Variants in WASL observed in about 807,000 individuals in gnomAD.
WASL encodes actin nucleation-promoting factor WASL.
In WASL, 20 loss-of-function variants were observed where a neutral mutation model predicts 55.5. The observed-to-expected ratio is 0.36, with a 90% CI of 0.25 to 0.52. The LOEUF is 0.52. WASL is among the 20% of genes least tolerant of loss of function. WASL has a pLI of 0.92. For missense variants in WASL, 504 were observed against 622.5 expected, an observed-to-expected ratio of 0.81 and a Z score of 2.03; for synonymous variants, 249 against 217.6, an observed-to-expected ratio of 1.14 and a Z score of -1.27.
At chr7:123,701,465 G>C (rs1414867691) in intron 5 of WASL, among the ~76,000 whole-genome samples, 1 of 152,186 alleles carries the variant, frequency 6.6e-6, no homozygotes, top group African/African-American at 2.4e-5. Context: ...AAGCAGTCAC[G>C]AAGCTGAGAA....
intron 4 of WASL, among the ~76,000 whole-genome samples, chr7:123,705,951 A>C (rs1285359491): frequency 6.6e-6 from 1 of 152,204 alleles, no homozygotes; most frequent in African/African-American, 2.4e-5. Context: ...AAATTTTATC[A>C]ACAAAAAAGG....
intron 1 of WASL, among the ~76,000 whole-genome samples, chr7:123,745,466 T>C (rs1804416283): frequency 6.6e-6 from 1 of 152,172 alleles, no homozygotes; most frequent in South Asian, 2.1e-4. Context: ...AATGCTGTAC[T>C]AAAAGAATTT....
At chr7:123,710,587 A>G (rs528554424) in intron 1 of WASL, among the ~76,000 whole-genome samples, 2 of 152,350 alleles carry the variant, frequency 1.3e-5, no homozygotes, top group Admixed American at 6.5e-5. Flanking sequence ...TCAAAAGTCC[A>G]TAAAGACTTG....
At chr7:123,733,689 A>G (rs938834249) in intron 1 of WASL, among the ~76,000 whole-genome samples, 5 of 152,164 alleles carry the variant, frequency 3.3e-5, no homozygotes, top group Non-Finnish European at 5.9e-5. Flanking sequence ...GAGTAACATC[A>G]GAGGACTGAC....
intron 1 of WASL, among the ~76,000 whole-genome samples, chr7:123,727,353 TCACACACACACACACA>T (rs150375537): frequency 6.8e-6 from 1 of 147,710 alleles, no homozygotes; most frequent in Non-Finnish European, 1.5e-5. Context: ...AAAATATGTG[TCACACACACACACACA>T]CACACACACA....
chr7:123,723,463 A>G (rs1049953352), intron 1 of WASL, among the ~76,000 whole-genome samples: 2 of 152,232 alleles, frequency 1.3e-5, no homozygotes, highest in Non-Finnish European at 2.9e-5. Context: ...AGGTCAGTGA[A>G]AAACCAAATT....
At chr7:123,725,631 A>G (rs1804029392) in intron 1 of WASL, among the ~76,000 whole-genome samples, 1 of 152,138 alleles carries the variant, frequency 6.6e-6, no homozygotes. Flanking sequence ...CTTTACTTGT[A>G]TTTTCTTATT....
chr7:123,715,249 C>T (rs557878731), intron 1 of WASL, among the ~76,000 whole-genome samples: 3 of 152,206 alleles, frequency 2.0e-5, no homozygotes, highest in Non-Finnish European at 2.9e-5. Flanking sequence ...GAAGGAGAAG[C>T]GGGAATACTT....
rs781667296 is a variant in WASL, at chr7:123,748,784, G to A, written c.-50C>T. ...CCAGGGCCGTCTCCTCCGGCGAGTGGGCGAGAGCTCGTTCCCCCTCTCGGT... is the reference window on the plus strand; with the variant it reads ...CCAGGGCCGTCTCCTCCGGCGAGTGAGCGAGAGCTCGTTCCCCCTCTCGGT... On this transcript the variant is annotated 5_prime_UTR_variant, in exon 1 of 11. Transcript: ENST00000223023. 7.7e-5 allele frequency: 111 copies of A among 1,448,736 alleles called. No individual in the cohort carries two copies. The highest frequency in any genetic ancestry group is 9.8e-5 in the Non-Finnish European group (106 of 1,087,084). 89.7% of individuals were successfully genotyped at this position (1,448,736 alleles called of 1,614,324 possible).
At chr7:123,739,906 G>C (rs988910638) in intron 1 of WASL, among the ~76,000 whole-genome samples, 9 of 29,862 alleles carry the variant, frequency 3.0e-4, no homozygotes, top group Non-Finnish European at 4.4e-4. Flanking sequence ...GTGTGTGTGT[G>C]TGTGTGTGTA....
At chr7:123,698,115 A>G (rs576453623) in intron 5 of WASL, among the ~76,000 whole-genome samples, 87 of 150,266 alleles carry the variant, frequency 5.8e-4, no homozygotes, top group East Asian at 3.7e-3. Flanking sequence ...ATTTTGTTTT[A>G]TATGTGTTTT....
chr7:123,718,753 G>C (rs537410182), intron 1 of WASL, among the ~76,000 whole-genome samples: 20 of 152,262 alleles, frequency 1.3e-4, no homozygotes, highest in African/African-American at 4.8e-4. Context: ...TGCTGTAATG[G>C]GGTGCTCACA....
chr7:123,689,688 G>C (rs750425759), intron 9 of WASL, among the ~76,000 whole-genome samples: 3 of 151,596 alleles, frequency 2.0e-5, no homozygotes, highest in Non-Finnish European at 4.4e-5. Flanking sequence ...TCTTTTTAAG[G>C]AGATGAGTTG....
At chr7:123,739,923 T>C (rs566814198) in intron 1 of WASL, among the ~76,000 whole-genome samples, 1 of 151,074 alleles carries the variant, frequency 6.6e-6, no homozygotes, top group Admixed American at 6.6e-5. Flanking sequence ...TGTATATATA[T>C]ATATATATGC....
intron 8 of WASL, 83 bp downstream of exon 8, chr7:123,694,632 A>G (rs1273420215): frequency 1.8e-5 from 26 of 1,419,464 alleles, no homozygotes; most frequent in Non-Finnish European, 2.2e-5. Context: ...AAGGGTTCAC[A>G]TGTATGAATG....
At chr7:123,701,193 C>A (rs900496851) in intron 5 of WASL, among the ~76,000 whole-genome samples, 1 of 152,148 alleles carries the variant, frequency 6.6e-6, no homozygotes, top group East Asian at 1.9e-4. Context: ...TATGAAATTA[C>A]ACTCCTCCTA....
chr7:123,727,353 T>TCGCACACACACACA (rs1554406247), intron 1 of WASL, among the ~76,000 whole-genome samples: 1,564 of 147,810 alleles, frequency 0.011, 18 homozygotes, highest in Middle Eastern at 0.048. Context: ...AAAATATGTG[T>TCGCACACACACACA]CACACACACA....
At chr7:123,699,109 G>A (rs1803536278) in intron 5 of WASL, among the ~76,000 whole-genome samples, 1 of 152,206 alleles carries the variant, frequency 6.6e-6, no homozygotes, top group African/African-American at 2.4e-5. Flanking sequence ...TCCCTGGCCA[G>A]GCACAGTGGC....
In WASL at chr7:123,698,234, A is replaced by G. The variant is rs73718458; in HGVS notation, c.461-1487T>C. Among the ~76,000 whole-genome samples, 1,187 of 152,294 alleles carry G rather than the reference A, an allele frequency of 7.8e-3. 21 individuals are homozygous for G. Among genetic ancestry groups the G allele is most frequent in the African/African-American group, 0.027 (1,138 of 41,564 alleles). ...TGGGGATCCCCAACATAATCAATAA[A>G]TGGCAAATAGAAATCTCAAGGCTAA... On this transcript the variant is annotated intron_variant, in intron 5 of 10. Coordinates refer to ENST00000223023, the MANE Select transcript of WASL (RefSeq NM_003941.4).
Sources: allele counts gnomAD v4.1 joint callset (sites outside exome capture counted in the v4.1 genomes callset), GRCh38; gene constraint gnomAD v4.1.1; transcripts MANE v1.5; gene names NCBI Gene and HGNC (gene_info 2026-07-23, HGNC 2026-07-21).